Variants in FIG4 observed in about 807,000 individuals in gnomAD.
FIG4 encodes FIG4 phosphoinositide 5-phosphatase.
A neutral mutation model predicts 118.6 loss-of-function variants in FIG4; 112 were observed. That is an observed-to-expected ratio of 0.94 (90% CI 0.81 to 1.11). The LOEUF (loss-of-function observed/expected upper bound fraction) is 1.11, where lower values mean the gene tolerates loss of function less well. Among genes scored for constraint, FIG4 ranks in the 50% least tolerant of loss-of-function variants. The pLI, the probability that FIG4 is intolerant of heterozygous loss-of-function variation, is 0.00. For synonymous variants in FIG4, 369 were observed against 381.2 expected, an observed-to-expected ratio of 0.97 and a Z score of 0.37; for missense variants, 969 against 1,111.7, an observed-to-expected ratio of 0.87 and a Z score of 1.83.
chr6:109,727,220 A>C lies in FIG4; in HGVS notation c.401A>C (p.Tyr134Ser), dbSNP rs571563767. Residue 134 changes from tyrosine to serine, a missense_variant, in exon 4 of 23, where the codon TAT becomes TCT. By Grantham distance (144) the Tyr-to-Ser change is moderately radical. Around this residue, in one of 3 missense-constraint regions of FIG4, gnomAD observed 393 missense variants for 409.4 expected, o/e 0.96. Coordinates refer to ENST00000230124, the MANE Select transcript of FIG4 (RefSeq NM_014845.6). Reference protein sequence around the residue: ...IYKVEDTNMIYIPNDSVRVTH... With the variant: ...IYKVEDTNMISIPNDSVRVTH... ...AAGGTCGAAGATACAAATATGATCT[A>C]TATACCCAATGATTCTGTACGGGTT... 1.7e-4 allele frequency: 272 copies of C among 1,612,820 alleles called. 7 individuals carry two copies. The South Asian group carries it at 2.8e-3, about 17-fold the overall frequency.
At chr6:109,794,232 A>G (rs922361471) in intron 21 of FIG4, among the ~76,000 whole-genome samples, 3 of 152,208 alleles carry the variant, frequency 2.0e-5, no homozygotes, top group Admixed American at 6.5e-5. Flanking sequence ...GATTAAAAAG[A>G]TATTATCCCC....
intron 10 of FIG4, among the ~76,000 whole-genome samples, chr6:109,755,410 T>C (rs1258387445): frequency 6.6e-6 from 1 of 152,190 alleles, no homozygotes; most frequent in African/African-American, 2.4e-5. Context: ...AAATGTATAT[T>C]CTGTTGATTT....
At chr6:109,745,519 C>T (rs1181247699) in intron 10 of FIG4, among the ~76,000 whole-genome samples, 1 of 151,950 alleles carries the variant, frequency 6.6e-6, no homozygotes, top group East Asian at 1.9e-4. Context: ...TGTTTAAGTT[C>T]CTTGTAGATT....
At chr6:109,726,427 T>G (rs961092018) in intron 3 of FIG4, among the ~76,000 whole-genome samples, 27 of 152,298 alleles carry the variant, frequency 1.8e-4, no homozygotes, top group East Asian at 1.2e-3. Context: ...TGGTGTTATT[T>G]CTGAGGCCTC....
At position 109,727,217 on chromosome 6, in the gene FIG4, T is replaced by A. The variant is rs34006646; in HGVS notation, c.398T>A (p.Ile133Asn). The A allele has an allele frequency of 1.2e-6, 2 of 1,612,626 alleles. No individual in the cohort carries two copies. The highest frequency in any genetic ancestry group is 1.7e-6 in the Non-Finnish European group (2 of 1,178,920). ...AIYKVEDTNM[I>N]YIPNDSVRVT... Reference sequence around the variant, plus strand: ...TATAAGGTCGAAGATACAAATATGATCTATATACCCAATGATTCTGTACGG... The same window carrying A: ...TATAAGGTCGAAGATACAAATATGAACTATATACCCAATGATTCTGTACGG... The change falls in exon 4 of 23, where the codon ATC (isoleucine) becomes AAC (asparagine). Residue 133 changes from isoleucine to asparagine, a missense_variant. Ile to Asn is a moderately radical substitution (Grantham distance 149, BLOSUM62 -3). This residue lies in a region of FIG4 where 393 missense variants were observed against 409.4 expected (regional missense o/e 0.96). Transcript: ENST00000230124.
At chr6:109,806,995 A>G (rs1197953630) in intron 22 of FIG4, among the ~76,000 whole-genome samples, 2 of 152,138 alleles carry the variant, frequency 1.3e-5, no homozygotes, top group African/African-American at 4.8e-5. Context: ...TTCTTTATCC[A>G]GTCTATCATT....
At chr6:109,781,515 A>G (rs1191680356) in intron 16 of FIG4, among the ~76,000 whole-genome samples, 1 of 151,978 alleles carries the variant, frequency 6.6e-6, no homozygotes, top group Non-Finnish European at 1.5e-5. Flanking sequence ...GACCACTGGG[A>G]CCATCACTCC....
chr6:109,773,753 C>A (rs952917779), intron 15 of FIG4, among the ~76,000 whole-genome samples: 1 of 152,170 alleles, frequency 6.6e-6, no homozygotes, highest in Non-Finnish European at 1.5e-5. Flanking sequence ...CTTACTGCAG[C>A]CTTGACTTCC....
rs939154419 is a variant in FIG4, at chr6:109,739,788, G to T, written c.775+1335G>T. ...AAATTTAAAGGAGTGGTTGCTTTGA[G>T]ACTATTAAGTGGGTGAATGTGACTG... On this transcript the variant is annotated intron_variant, in intron 7 of 22. Transcript: ENST00000230124. 3.9e-5 allele frequency among the ~76,000 whole-genome samples: 6 copies of T among 152,252 alleles called. No homozygotes were observed. In the South Asian group the frequency reaches 1.2e-3, roughly 32 times the overall value.
intron 5 of FIG4, among the ~76,000 whole-genome samples, chr6:109,733,614 A>T (rs1346804962): frequency 6.6e-6 from 1 of 152,096 alleles, no homozygotes; most frequent in African/African-American, 2.4e-5. Flanking sequence ...CATGGGGTGA[A>T]TTATGTCTTT....
At chr6:109,727,495 T>A (rs186364580) in intron 4 of FIG4, among the ~76,000 whole-genome samples, 1 of 152,304 alleles carries the variant, frequency 6.6e-6, no homozygotes, top group Non-Finnish European at 1.5e-5. Context: ...TTAGAATTTT[T>A]GTTAAGAGCT....
At chr6:109,803,171 G>A (rs764806331) in intron 22 of FIG4, among the ~76,000 whole-genome samples, 3 of 152,192 alleles carry the variant, frequency 2.0e-5, no homozygotes, top group Non-Finnish European at 4.4e-5. Flanking sequence ...TCAGGGGAGC[G>A]ATAGGCTTAC....
intron 4 of FIG4, among the ~76,000 whole-genome samples, chr6:109,730,900 TA>T: frequency 6.6e-6 from 1 of 152,056 alleles, no homozygotes; most frequent in East Asian, 1.9e-4. Flanking sequence ...ATACTGTAAA[TA>T]TTCAAAATGT....
chr6:109,821,129 C>T (rs1014771358), intron 22 of FIG4, among the ~76,000 whole-genome samples: 1 of 152,202 alleles, frequency 6.6e-6, no homozygotes, highest in Non-Finnish European at 1.5e-5. Flanking sequence ...AGCTCCCTAC[C>T]TGGACATGGC....
intron 16 of FIG4, among the ~76,000 whole-genome samples, chr6:109,779,688 T>C (rs1777736537): frequency 6.6e-6 from 1 of 152,202 alleles, no homozygotes; most frequent in Admixed American, 6.5e-5. Flanking sequence ...AAGATAAATT[T>C]CAGTGGGTTT....
chr6:109,771,179 C>T (rs902343838), intron 15 of FIG4, among the ~76,000 whole-genome samples: 2 of 152,148 alleles, frequency 1.3e-5, no homozygotes, highest in African/African-American at 2.4e-5. Flanking sequence ...CCCTTGGTAA[C>T]TTTTGTTAAA....
At chr6:109,808,287 G>A (rs1778624051) in intron 22 of FIG4, among the ~76,000 whole-genome samples, 1 of 136,482 alleles carries the variant, frequency 7.3e-6, no homozygotes, top group African/African-American at 2.8e-5. Context: ...GTCTGTGATA[G>A]CAAGGCAGTG....
rs1032956014 is a variant in FIG4, at chr6:109,824,986, C to T, written c.2547-102C>T. On this transcript the variant is annotated intron_variant, in intron 22 of 22. Coordinates refer to ENST00000230124, the MANE Select transcript of FIG4 (RefSeq NM_014845.6). ...CAGCAGCTTGTCAAAAGTCAGCCTG[C>T]TTATTCAATGCCAGCGACTCTCAAG... The T allele has an allele frequency of 6.4e-6, 7 of 1,094,382 alleles. No individual in the cohort carries two copies. The African/African-American group carries it at 1.1e-4, about 17-fold the overall frequency. 67.8% of individuals were successfully genotyped at this position (1,094,382 alleles called of 1,614,324 possible). A position where few individuals can be genotyped will look rare whatever the true frequency, so the allele number is the denominator to read the frequency against.
At chr6:109,722,369 T>G (rs558939633) in intron 3 of FIG4, among the ~76,000 whole-genome samples, 2 of 152,264 alleles carry the variant, frequency 1.3e-5, no homozygotes, top group South Asian at 4.1e-4. Context: ...AGATTTCAGC[T>G]CATTCATGTT....
Sources: allele counts gnomAD v4.1 joint callset (sites outside exome capture counted in the v4.1 genomes callset), GRCh38; gene constraint gnomAD v4.1.1; regional missense constraint gnomAD v4.1.1; transcripts MANE v1.5; gene names NCBI Gene and HGNC (gene_info 2026-07-23, HGNC 2026-07-21).